DNAH3: variants seen among roughly 807,000 people sequenced by gnomAD.
DNAH3 encodes axonemal beta dynein heavy chain 3.
In DNAH3, 332 loss-of-function variants were observed where a neutral mutation model predicts 432.5. The ratio of observed to expected loss-of-function variants is 0.77; its 90% CI spans 0.70 to 0.84. The LOEUF (loss-of-function observed/expected upper bound fraction) is 0.84. Among genes scored for constraint, DNAH3 ranks in the 40% least tolerant of loss-of-function variants. The pLI, the probability that DNAH3 is intolerant of heterozygous loss-of-function variation, is 0.00. For missense variants in DNAH3, 4,861 were observed against 5,114.0 expected (o/e 0.95, Z 1.51); for synonymous variants, 1,956 against 1,900.2 (o/e 1.03, Z -0.76).
At chr16:20,954,952 C>T in exon 55 of DNAH3, 1 of 1,614,160 alleles carries the variant, frequency 6.2e-7, no homozygotes, top group Non-Finnish European at 8.5e-7. Context: ...GGTAGGAGCG[C>T]AACAGGTTGG....
chr16:21,118,873 A>T (rs1470478898), intron 11 of DNAH3, among the ~76,000 whole-genome samples: 1 of 152,132 alleles, frequency 6.6e-6, no homozygotes, highest in Non-Finnish European at 1.5e-5. Context: ...CCTGCCTGGG[A>T]CCCATTGTCT....
At chr16:20,974,370 A>G (rs191125200) in intron 51 of DNAH3, among the ~76,000 whole-genome samples, 1 of 151,722 alleles carries the variant, frequency 6.6e-6, no homozygotes, top group Non-Finnish European at 1.5e-5. Context: ...TTTTTAGACA[A>G]CACAAGGTCT....
chr16:20,985,476 G>T (rs759763275), exon 48 of DNAH3: 3 of 1,614,188 alleles, frequency 1.9e-6, no homozygotes, highest in Non-Finnish European at 2.5e-6. Context: ...CCTGCTTCAG[G>T]ACACGGCAGA....
chr16:21,011,962 T>C (rs891899628), intron 41 of DNAH3, among the ~76,000 whole-genome samples: 2 of 152,296 alleles, frequency 1.3e-5, no homozygotes, highest in African/African-American at 4.8e-5. Flanking sequence ...CCCCATTTTA[T>C]AATTGAGGGA....
chr16:21,066,719 T>A (rs564813376), intron 24 of DNAH3, among the ~76,000 whole-genome samples: 2 of 152,156 alleles, frequency 1.3e-5, no homozygotes, highest in Admixed American at 1.3e-4. Flanking sequence ...TTGGTTCTTG[T>A]GTGGAAAAAA....
chr16:21,068,830 C>T (rs949721744), intron 23 of DNAH3, among the ~76,000 whole-genome samples: 7 of 151,794 alleles, frequency 4.6e-5, no homozygotes, highest in African/African-American at 1.7e-4. Context: ...TAAGAAATGA[C>T]AGTTAAATAA....
chr16:21,039,547 G>A (rs1420726035), intron 33 of DNAH3, among the ~76,000 whole-genome samples: 1 of 150,870 alleles, frequency 6.6e-6, no homozygotes, highest in Admixed American at 6.6e-5. Flanking sequence ...AAGCCATTTA[G>A]TAATGTGGGT....
Position 20,987,989 on chromosome 16 carries a change from C to A in DNAH3, c.6678G>T (p.Ser2226=), listed in dbSNP as rs267604449. Residue 2226 remains serine (S), a synonymous_variant, in exon 45 of 62, where the codon TCG becomes TCT. Transcript: ENST00000261383. The stretch of plus-strand genomic sequence containing the variant: ...CTTTCCCGAAGTGCCAGTCAACAAT[C>A]GAACTGAAAATCTTGGTTAAAATGT... 3.7e-6 allele frequency: 6 copies of A among 1,614,024 alleles called. No homozygotes were observed. In the African/African-American group the frequency reaches 8.0e-5, roughly 22 times the overall value.
chr16:20,944,801 A>ACACG, intron 57 of DNAH3, 138 bp from the exon 58 acceptor site: 1 of 789,990 alleles, frequency 1.3e-6, no homozygotes, highest in Non-Finnish European at 2.0e-6. Flanking sequence ...ACACACACAC[A>ACACG]CGCTGGGAGA....
At chr16:20,944,158 A>AAG (rs149183028) in intron 58 of DNAH3, among the ~76,000 whole-genome samples, 16,488 of 151,236 alleles carry the variant, frequency 0.11, 973 homozygotes, top group African/African-American at 0.15. Flanking sequence ...TTAAAAAAAA[A>AAG]AGAGAGTTAG....
chr16:20,949,315 G>A (rs1427796124), intron 56 of DNAH3, among the ~76,000 whole-genome samples: 7 of 144,718 alleles, frequency 4.8e-5, no homozygotes, highest in East Asian at 4.0e-4. Context: ...CAACAAGAGC[G>A]AAACTTCGTC....
At chr16:20,933,469 T>G in exon 62 of DNAH3, 2 of 1,608,654 alleles carry the variant, frequency 1.2e-6, no homozygotes, top group Non-Finnish European at 1.7e-6. Flanking sequence ...AGGCCCCATC[T>G]TCGGGGTTAT....
At chr16:21,039,736 G>A in intron 33 of DNAH3, 116 bp downstream of exon 33, 1 of 840,420 alleles carries the variant, frequency 1.2e-6, no homozygotes, top group Non-Finnish European at 2.1e-6. Context: ...GTAAGCAGAA[G>A]CAAGTTTCTC....
chr16:20,933,546 T>C (rs1209727498), intron 61 of DNAH3, 39 bp from the exon 62 acceptor site: 1 of 1,496,712 alleles, frequency 6.7e-7, no homozygotes. Context: ...TTGCCTGCCA[T>C]TTTCCTACAT....
intron 1 of DNAH3, among the ~76,000 whole-genome samples, chr16:21,146,926 A>G (rs1237802093): frequency 2.0e-5 from 3 of 151,618 alleles, no homozygotes; most frequent in Admixed American, 2.0e-4. Context: ...ATGCCCAGCT[A>G]ATTTTATATT....
Position 21,075,585 on chromosome 16 carries a change from C to A in DNAH3, c.2970-24G>T, listed in dbSNP as rs2090946649. The stretch of plus-strand genomic sequence containing the variant: ...ATCTAAAGAGAGAACACAGCAACAG[C>A]AACATCAACAGGAGGCAGAGAAGAC... On this transcript the variant is annotated intron_variant, in intron 20 of 61. Coordinates refer to ENST00000261383, the Ensembl canonical transcript of DNAH3. The A allele has an allele frequency of 3.9e-6, 6 of 1,545,924 alleles. No individual in the cohort carries two copies. In the East Asian group the frequency reaches 1.3e-4, roughly 35 times the overall value.
intron 36 of DNAH3, among the ~76,000 whole-genome samples, chr16:21,031,670 C>T (rs912800161): frequency 3.3e-5 from 5 of 152,128 alleles, no homozygotes; most frequent in African/African-American, 1.2e-4. Context: ...TTATTATAGC[C>T]TTTGATTTCT....
chr16:21,045,831 T>C (rs370817751), intron 31 of DNAH3, among the ~76,000 whole-genome samples: 45,089 of 142,224 alleles, frequency 0.32, 7,417 homozygotes, highest in South Asian at 0.45. Context: ...AATTTCCCTC[T>C]ACACACTGCT....
intron 52 of DNAH3, among the ~76,000 whole-genome samples, chr16:20,969,554 G>T (rs1247892358): frequency 6.6e-6 from 1 of 152,202 alleles, no homozygotes; most frequent in East Asian, 1.9e-4. Flanking sequence ...CCTTGACTGA[G>T]CTCAGCTCCA....
Sources: allele counts gnomAD v4.1 joint callset (sites outside exome capture counted in the v4.1 genomes callset), GRCh38; gene constraint gnomAD v4.1.1; transcripts MANE v1.5; gene names NCBI Gene and HGNC (gene_info 2026-07-23, HGNC 2026-07-21).